KDM3A: variants seen among roughly 807,000 people sequenced by gnomAD.
KDM3A encodes lysine demethylase 3A.
KDM3A carries 60 observed loss-of-function variants against 158.0 expected under a neutral mutation model. The ratio of observed to expected loss-of-function variants is 0.38; its 90% CI spans 0.31 to 0.47. KDM3A has a LOEUF of 0.47. Among genes scored for constraint, KDM3A ranks in the 20% least tolerant of loss-of-function variants. KDM3A has a pLI of 0.99. For synonymous variants in KDM3A, 608 were observed against 549.3 expected (o/e 1.11, Z -1.49); for missense variants, 1,319 against 1,574.3 (o/e 0.84, Z 2.74).
At chr2:86,461,140 C>G (rs985127649) in intron 8 of KDM3A, among the ~76,000 whole-genome samples, 1 of 152,104 alleles carries the variant, frequency 6.6e-6, no homozygotes, top group African/African-American at 2.4e-5. Context: ...GAAGAAAGTG[C>G]TAGGAAGTGT....
chr2:86,438,111 C>T (rs1041119028), upstream of KDM3A, among the ~76,000 whole-genome samples: 46 of 151,962 alleles, frequency 3.0e-4, no homozygotes, highest in Non-Finnish European at 6.6e-4. Flanking sequence ...AAGTATATTT[C>T]TGGTAGATAT....
chr2:86,482,550 G>T lies in KDM3A; in HGVS notation c.2778G>T (p.Arg926Ser), dbSNP rs939672828. 6 of 1,613,984 alleles carry T rather than the reference G, an allele frequency of 3.7e-6. No homozygotes were observed. Among genetic ancestry groups the T allele is most frequent in the Admixed American group, 1.7e-5 (1 of 59,986 alleles). The change falls in exon 18 of 26, where the codon AGG (arginine) becomes AGT (serine). Residue 926 changes from arginine (R) to serine (S), a missense_variant. Coordinates refer to ENST00000312912, the MANE Select transcript of KDM3A (RefSeq NM_018433.6). ...QNKTTSDLSK[R>S]PQGLTIKPSI... is the part of the protein sequence containing the mutation. ...AGACGACTTCTGATTTATCTAAGAG[G>T]CCTCAAGGACTAACCATCAAGCCCA... is the stretch of plus-strand genomic sequence containing the variant.
Position 86,475,975 on chromosome 2 carries a change from C to A in KDM3A, c.1939+985C>A, listed in dbSNP as rs566514464. Among the ~76,000 whole-genome samples, 5 of 152,316 alleles carry A rather than the reference C, an allele frequency of 3.3e-5. No individual in the cohort carries two copies. In the South Asian group the frequency reaches 1.0e-3, roughly 32 times the overall value. On this transcript the variant is annotated intron_variant, in intron 12 of 25. Transcript: ENST00000312912. ...CATTCCCAGCTCTAGGAATCCAGAG[C>A]TGCCTGGGAGAAAGGGAATTGCGAG... is the stretch of plus-strand genomic sequence containing the variant.
At chr2:86,462,218 G>C (rs1388495709) in intron 8 of KDM3A, among the ~76,000 whole-genome samples, 1 of 150,454 alleles carries the variant, frequency 6.6e-6, no homozygotes, top group African/African-American at 2.4e-5. Flanking sequence ...TTTTTAACTT[G>C]AGCGGCTTGA....
rs781169661 is a variant in KDM3A at position 86,470,324 on chromosome 2, G to A, written c.1640G>A (p.Arg547Gln). 3 of 1,614,082 alleles carry A rather than the reference G, an allele frequency of 1.9e-6. No homozygotes were observed. Among genetic ancestry groups the A allele is most frequent in the Non-Finnish European group, 1.7e-6 (2 of 1,179,988 alleles). Residue 547 changes from arginine (R) to glutamine (Q), a missense_variant, in exon 11 of 26, where the codon CGA (arginine) becomes CAA (glutamine). Around this residue, in one of 4 missense-constraint regions of KDM3A, gnomAD observed 113 missense variants for 190.5 expected, o/e 0.59. Transcript: ENST00000312912. The stretch of plus-strand genomic sequence containing the variant: ...ATCGTGGCACAGTTGCCTAAATGCC[G>A]AGAGTGTCGCTTGGACAGTCTCCGC... ...VNIVAQLPKC[R>Q]ECRLDSLRKD...
At position 86,492,105 on chromosome 2, in the gene KDM3A, T is replaced by A; in HGVS notation, c.3952T>A (p.Phe1318Ile). The change falls in exon 26 of 26, where the codon TTT becomes ATT. Residue 1318 changes from phenylalanine (F) to isoleucine (I), a missense_variant. This residue lies in a region of KDM3A where 186 missense variants were observed against 340.9 expected (regional missense o/e 0.55). Coordinates refer to ENST00000312912, the MANE Select transcript of KDM3A (RefSeq NM_018433.6). Reference sequence around the variant, plus strand: ...TATGCTGAAAGCCAGTGAATCCAGTTTTGGCAAACCTTAATCTCCCTGCAC... The same window carrying A: ...TATGCTGAAAGCCAGTGAATCCAGTATTGGCAAACCTTAATCTCCCTGCAC... The part of the protein sequence containing the change: ...VAMLKASESS[F>I]GKP The A allele has an allele frequency of 6.2e-7, 1 of 1,612,868 alleles. No individual in the cohort carries two copies. The highest frequency in any genetic ancestry group is 8.5e-7 in the Non-Finnish European group (1 of 1,179,014).
intron 2 of KDM3A, chr2:86,442,707 G>A (rs1682786859): frequency 1.7e-5 from 2 of 115,904 alleles, no homozygotes; most frequent in Middle Eastern, 5.3e-3. Context: ...AGTGTAGAGG[G>A]AGGAGCTTAA....
chr2:86,449,311 A>G (rs1036288805), intron 2 of KDM3A, among the ~76,000 whole-genome samples: 3 of 152,190 alleles, frequency 2.0e-5, no homozygotes, highest in African/African-American at 7.2e-5. Flanking sequence ...TGTGCTGTAT[A>G]TTAGGCCTTG....
At chr2:86,491,362 C>T (rs2104719852) in intron 25 of KDM3A, 87 bp downstream of exon 25, 1 of 1,394,292 alleles carries the variant, frequency 7.2e-7, no homozygotes, top group South Asian at 1.2e-5. Context: ...AGTCAGTGAA[C>T]TTGGCCATAT....
chr2:86,472,525 T>C lies in KDM3A; in HGVS notation c.1724+2117T>C, dbSNP rs889005193. ...CCACTTTGAAATGCTTTCAAATTTATTTTTTTGTGTTATGACTATCTCTAA... is the reference window on the plus strand; with the variant it reads ...CCACTTTGAAATGCTTTCAAATTTACTTTTTTGTGTTATGACTATCTCTAA... On this transcript the variant is annotated intron_variant, in intron 11 of 25. Coordinates refer to ENST00000312912, the MANE Select transcript of KDM3A (RefSeq NM_018433.6). 1.4e-4 allele frequency among the ~76,000 whole-genome samples: 22 copies of C among 152,150 alleles called. 1 individual carries two copies. Among genetic ancestry groups the C allele is most frequent in the Admixed American group, 9.2e-4 (14 of 15,274 alleles).
intron 10 of KDM3A, among the ~76,000 whole-genome samples, chr2:86,468,955 T>C (rs572461070): frequency 3.9e-4 from 60 of 152,336 alleles, no homozygotes; most frequent in African/African-American, 1.4e-3. Context: ...ACAGATAAGA[T>C]AACCTTCTTG....
chr2:86,466,263 T>A, intron 9 of KDM3A, 109 bp from the exon 10 acceptor site: 2 of 1,173,464 alleles, frequency 1.7e-6, no homozygotes, highest in Non-Finnish European at 2.4e-6. Context: ...AGAAATTTTC[T>A]TTTTTCTTTC....
chr2:86,453,205 A>C (rs935572445), intron 4 of KDM3A, among the ~76,000 whole-genome samples: 1 of 152,172 alleles, frequency 6.6e-6, no homozygotes, highest in Non-Finnish European at 1.5e-5. Context: ...ATCAGTGTGA[A>C]TGTTGTCATT....
intron 11 of KDM3A, among the ~76,000 whole-genome samples, chr2:86,473,889 G>A (rs184402295): frequency 4.3e-4 from 65 of 152,330 alleles, no homozygotes; most frequent in Non-Finnish European, 6.5e-4. Flanking sequence ...TAGGTTCTGA[G>A]GCCCATTTTA....
chr2:86,442,612 C>G lies in KDM3A; in HGVS notation c.186+379C>G, dbSNP rs142205598. The G allele has an allele frequency of 6.8e-4, 112 of 164,394 alleles. 2 individuals are homozygous for G. Among genetic ancestry groups the G allele is most frequent in the African/African-American group, 2.6e-3 (111 of 42,006 alleles). The allele number at this position is 164,394 out of a possible 1,614,324, so 10.2% of individuals were successfully genotyped here. The stretch of plus-strand genomic sequence containing the variant: ...AATTGAAGGTTAGTGCTTGGAAGTA[C>G]TTTCAGCTGGTTTTGTTTGTTTGTT... On this transcript the variant is annotated intron_variant, in intron 2 of 25. Coordinates refer to ENST00000312912, the MANE Select transcript of KDM3A (RefSeq NM_018433.6).
chr2:86,475,093 T>C (rs1673603398), intron 12 of KDM3A, 103 bp downstream of exon 12: 4 of 898,816 alleles, frequency 4.5e-6, no homozygotes, highest in Admixed American at 2.2e-5. Flanking sequence ...CACCCAGAAG[T>C]TTAGATAACT....
intron 16 of KDM3A, among the ~76,000 whole-genome samples, chr2:86,481,510 T>TA (rs1009196315): frequency 5.3e-5 from 8 of 151,756 alleles, no homozygotes; most frequent in African/African-American, 1.7e-4. Flanking sequence ...TTTTTTTTTT[T>TA]AAACAGTTTC....
chr2:86,459,151 A>G (rs1050375431), intron 8 of KDM3A, among the ~76,000 whole-genome samples: 23 of 152,148 alleles, frequency 1.5e-4, no homozygotes, highest in Non-Finnish European at 3.2e-4. Context: ...TTATGATACT[A>G]TATAGTCTCC....
chr2:86,451,625 C>G (rs1211203753), intron 4 of KDM3A, among the ~76,000 whole-genome samples: 2 of 152,144 alleles, frequency 1.3e-5, no homozygotes, highest in East Asian at 1.9e-4. Context: ...GGAAGGAAAT[C>G]TGTTTATAAT....
Sources: allele counts gnomAD v4.1 joint callset (sites outside exome capture counted in the v4.1 genomes callset), GRCh38; gene constraint gnomAD v4.1.1; regional missense constraint gnomAD v4.1.1; transcripts MANE v1.5; gene names NCBI Gene and HGNC (gene_info 2026-07-23, HGNC 2026-07-21).